The following GALNTL6 variants were observed in gnomAD, a reference collection of about 807,000 sequenced individuals.
GALNTL6 encodes polypeptide N-acetylgalactosaminyltransferase-like 6.
Under a neutral mutation model 73.7 loss-of-function variants are expected in GALNTL6, and 46 were observed. That is an observed-to-expected ratio of 0.62 (90% CI 0.49 to 0.80). The LOEUF (loss-of-function observed/expected upper bound fraction) is 0.80, where lower values mean the gene tolerates loss of function less well. Ranked by LOEUF, GALNTL6 falls within the 30% of genes least tolerant of loss-of-function variation. The pLI is 0.00. For synonymous variants in GALNTL6, 259 were observed against 263.7 expected (o/e 0.98, Z 0.17); for missense variants, 604 against 755.0 (o/e 0.80, Z 2.34).
At chr4:171,888,793 T>C (rs541646601) in intron 2 of GALNTL6, among the ~76,000 whole-genome samples, 1 of 152,200 alleles carries the variant, frequency 6.6e-6, no homozygotes, top group Non-Finnish European at 1.5e-5. Context: ...ACAGACAGAA[T>C]ACCTACTAAA....
At chr4:172,259,849 A>G (rs758909355) in intron 3 of GALNTL6, among the ~76,000 whole-genome samples, 3 of 151,692 alleles carry the variant, frequency 2.0e-5, no homozygotes, top group Non-Finnish European at 4.4e-5. Context: ...TCACAGCACC[A>G]TTTGTTGACT....
chr4:172,453,495 T>A (rs1283388946), intron 5 of GALNTL6, among the ~76,000 whole-genome samples: 1 of 152,230 alleles, frequency 6.6e-6, no homozygotes, highest in African/African-American at 2.4e-5. Context: ...ACTAATTACA[T>A]GAGTTTTAAA....
chr4:172,743,118 A>T (rs1370732171), intron 5 of GALNTL6, among the ~76,000 whole-genome samples: 1 of 152,002 alleles, frequency 6.6e-6, no homozygotes, highest in Non-Finnish European at 1.5e-5. Flanking sequence ...AAAAGAGCCT[A>T]TTGCTTTCCT....
chr4:172,256,328 T>G (rs532122419), intron 3 of GALNTL6, among the ~76,000 whole-genome samples: 30 of 151,570 alleles, frequency 2.0e-4, no homozygotes, highest in African/African-American at 6.3e-4. Flanking sequence ...CACTTGAAAT[T>G]CTAGAATAGC....
intron 5 of GALNTL6, among the ~76,000 whole-genome samples, chr4:172,622,647 G>T (rs1300177052): frequency 6.6e-6 from 1 of 151,908 alleles, no homozygotes; most frequent in Non-Finnish European, 1.5e-5. Flanking sequence ...AGGAAGAAAA[G>T]AAAAAAGGAA....
chr4:172,159,363 A>G (rs1027509061), intron 2 of GALNTL6, among the ~76,000 whole-genome samples: 1 of 152,240 alleles, frequency 6.6e-6, no homozygotes, highest in African/African-American at 2.4e-5. Flanking sequence ...AAAGGCACAC[A>G]TTAAAGAAAT....
chr4:172,144,329 C>T (rs1328063186), intron 2 of GALNTL6, among the ~76,000 whole-genome samples: 2 of 152,114 alleles, frequency 1.3e-5, no homozygotes, highest in African/African-American at 4.8e-5. Flanking sequence ...TAGAATTGTA[C>T]CGAATTTACC....
chr4:172,591,904 C>T (rs1737651837), intron 5 of GALNTL6, among the ~76,000 whole-genome samples: 1 of 152,092 alleles, frequency 6.6e-6, no homozygotes, highest in African/African-American at 2.4e-5. Context: ...GCTATCAATT[C>T]CTAGAAAAAC....
chr4:172,093,063 G>A (rs1732251489), intron 2 of GALNTL6, among the ~76,000 whole-genome samples: 1 of 151,684 alleles, frequency 6.6e-6, no homozygotes, highest in Admixed American at 6.6e-5. Context: ...GTGTAAAGAT[G>A]GGGTTTCACC....
At chr4:172,825,818 G>C (rs555054278) in intron 7 of GALNTL6, among the ~76,000 whole-genome samples, 1 of 152,058 alleles carries the variant, frequency 6.6e-6, no homozygotes, top group Non-Finnish European at 1.5e-5. Flanking sequence ...GCTAGTGTGG[G>C]ATCAGGCCAT....
intron 12 of GALNTL6, among the ~76,000 whole-genome samples, chr4:173,037,050 T>C (rs918273559): frequency 6.6e-6 from 1 of 152,212 alleles, no homozygotes; most frequent in Non-Finnish European, 1.5e-5. Flanking sequence ...ATGGCAATGA[T>C]GTAGCTTAGC....
chr4:171,852,982 G>A (rs780271266), intron 2 of GALNTL6, among the ~76,000 whole-genome samples: 1 of 150,032 alleles, frequency 6.7e-6, no homozygotes, highest in South Asian at 2.1e-4. Flanking sequence ...GAGTAGCTGG[G>A]ACTACAGGCG....
At chr4:172,254,091 T>G (rs1466270715) in intron 3 of GALNTL6, among the ~76,000 whole-genome samples, 1 of 151,796 alleles carries the variant, frequency 6.6e-6, no homozygotes, top group Non-Finnish European at 1.5e-5. Flanking sequence ...TTACTACTAC[T>G]GATAGTGTAG....
chr4:172,270,543 C>T (rs943422927), intron 3 of GALNTL6, among the ~76,000 whole-genome samples: 1 of 152,178 alleles, frequency 6.6e-6, no homozygotes, highest in African/African-American at 2.4e-5. Flanking sequence ...CAGGCATGCA[C>T]ACAGCCCTCA....
At chr4:172,495,586 C>G (rs1734045345) in intron 5 of GALNTL6, among the ~76,000 whole-genome samples, 1 of 152,248 alleles carries the variant, frequency 6.6e-6, no homozygotes, top group Non-Finnish European at 1.5e-5. Flanking sequence ...GTCCAGCACT[C>G]TATATACTAT....
intron 2 of GALNTL6, among the ~76,000 whole-genome samples, chr4:172,152,603 T>C (rs188527916): frequency 5.4e-4 from 82 of 152,310 alleles, no homozygotes; most frequent in Admixed American, 1.1e-3. Context: ...GTTTCAGAAA[T>C]GCAATTTTTT....
chr4:172,245,968 A>C (rs957928730), intron 3 of GALNTL6, among the ~76,000 whole-genome samples: 12 of 152,284 alleles, frequency 7.9e-5, no homozygotes, highest in Middle Eastern at 3.4e-3. Flanking sequence ...CAATCACAAA[A>C]ATATAACATA....
At chr4:172,902,987 G>T (rs1746705563) in intron 8 of GALNTL6, among the ~76,000 whole-genome samples, 1 of 152,106 alleles carries the variant, frequency 6.6e-6, no homozygotes. Flanking sequence ...CTATTGTTTG[G>T]AATATATTTT....
chr4:172,521,774 C>A (rs142921376), intron 5 of GALNTL6, among the ~76,000 whole-genome samples: 2 of 152,250 alleles, frequency 1.3e-5, no homozygotes, highest in African/African-American at 4.8e-5. Flanking sequence ...GAAATGGCAG[C>A]TAAGCAGACA....
Sources: gnomAD v4.1 joint callset for allele counts (sites outside exome capture counted in the v4.1 genomes callset) on GRCh38, gnomAD v4.1.1 for gene constraint, MANE v1.5 for transcripts, NCBI Gene and HGNC (gene_info 2026-07-23, HGNC 2026-07-21) for gene names.